OPCML: variants seen among roughly 807,000 people sequenced by gnomAD.
The protein encoded by OPCML is opioid-binding protein/cell adhesion molecule.
Under a neutral mutation model 37.8 loss-of-function variants are expected in OPCML, and 13 were observed. The ratio of observed to expected loss-of-function variants is 0.34; its 90% confidence interval spans 0.22 to 0.55. OPCML has a LOEUF of 0.55. Among genes scored for constraint, OPCML ranks in the 20% least tolerant of loss-of-function variants. The pLI, the probability that OPCML is intolerant of heterozygous loss-of-function variation, is 0.91. For synonymous variants in OPCML, 176 were observed against 168.8 expected (o/e 1.04, Z -0.33); for missense variants, 341 against 435.6 (o/e 0.78, Z 1.93).
At chr11:133,495,817 T>A (rs909670553) in intron 1 of OPCML, among the ~76,000 whole-genome samples, 1 of 152,202 alleles carries the variant, frequency 6.6e-6, no homozygotes, top group Non-Finnish European at 1.5e-5. Context: ...GTAAGATGTA[T>A]AGATTGTGAA....
At chr11:133,397,906 G>A (rs1276422289) in intron 1 of OPCML, among the ~76,000 whole-genome samples, 1 of 152,188 alleles carries the variant, frequency 6.6e-6, no homozygotes, top group Non-Finnish European at 1.5e-5. Context: ...TCCTGATTTG[G>A]TGAAGGCATT....
rs139306840 is a variant in OPCML at position 133,220,924 on chromosome 11, C to T, written c.62-277914G>A. On this transcript the variant is annotated intron_variant, in intron 1 of 7. Coordinates refer to ENST00000524381, the MANE Select transcript of OPCML (RefSeq NM_001012393.5). ...AGATCCCCAGGCCTCAGTGGTGCGT[C>T]ACTGACTCGAAATTGGACGGAACTA... Among the ~76,000 whole-genome samples, 198 of 152,318 alleles carry T rather than the reference C, an allele frequency of 1.3e-3. 1 individual carries two copies. The highest frequency in any genetic ancestry group is 4.4e-3 in the African/African-American group (183 of 41,568).
chr11:133,241,907 G>A lies in OPCML; in HGVS notation c.61+290357C>T, dbSNP rs186578183. Among the ~76,000 whole-genome samples, 199 of 152,206 alleles carry A rather than the reference G, an allele frequency of 1.3e-3. 1 individual carries two copies. The highest frequency in any genetic ancestry group is 3.4e-3 in the Middle Eastern group (1 of 294). ...CCCTTCAAATCCTGCCTATCCTACC[G>A]GGCTAGCTTGAGGCCCACCTTCAGA... On this transcript the variant is annotated intron_variant, in intron 1 of 7. Coordinates refer to ENST00000524381, the MANE Select transcript of OPCML (RefSeq NM_001012393.5).
In OPCML at chr11:132,949,160, G is replaced by A. The variant is rs111496896; in HGVS notation, c.62-6150C>T. On this transcript the variant is annotated intron_variant, in intron 1 of 7. Transcript: ENST00000524381. ...TGACAGGTAGTATCTGCAACCTGGA[G>A]AAGATAGAATGCCCCAGAGAAGCTA... Among the ~76,000 whole-genome samples the A allele has an allele frequency of 6.0e-3, 913 of 152,330 alleles. 9 individuals are homozygous for A. The highest frequency in any genetic ancestry group is 0.021 in the African/African-American group (877 of 41,566).
At chr11:133,527,020 A>T (rs1324349906) in intron 1 of OPCML, among the ~76,000 whole-genome samples, 2 of 152,196 alleles carry the variant, frequency 1.3e-5, no homozygotes, top group East Asian at 3.9e-4. Context: ...CAGGAATCAC[A>T]GTTTGCTTCC....
chr11:133,523,638 C>A (rs1948435249), intron 1 of OPCML, among the ~76,000 whole-genome samples: 7 of 152,096 alleles, frequency 4.6e-5, no homozygotes, highest in Admixed American at 4.6e-4. Flanking sequence ...GGATAAAGAC[C>A]AAAATGATTC....
chr11:132,552,763 C>CTTTTTTTTTTTT lies in OPCML; in HGVS notation c.380-23589_380-23578dup, dbSNP rs562056846. On this transcript the variant is annotated intron_variant, in intron 3 of 7. Transcript: ENST00000524381. The stretch of plus-strand genomic sequence containing the variant: ...TAGTCAAACTAAATTAAACACTACT[C>CTTTTTTTTTTTT]TTTTTTTTTTTTTTTTGAGACCGAG... 4.3e-3 allele frequency among the ~76,000 whole-genome samples: 399 copies of CTTTTTTTTTTTT among 92,738 alleles called. 105 individuals carry two copies. Among genetic ancestry groups the CTTTTTTTTTTTT allele is most frequent in the African/African-American group, 0.021 (371 of 17,808 alleles). 60.8% of individuals were successfully genotyped at this position (92,738 alleles called of 152,430 possible).
intron 1 of OPCML, among the ~76,000 whole-genome samples, chr11:133,471,827 C>G (rs77530332): frequency 0.034 from 5,249 of 152,168 alleles, 216 homozygotes; most frequent in African/African-American, 0.089. Context: ...TCATTGAAGA[C>G]AGAGGGAGTA....
intron 1 of OPCML, among the ~76,000 whole-genome samples, chr11:133,415,319 A>C (rs1445728103): frequency 7.5e-6 from 1 of 134,000 alleles, no homozygotes; most frequent in Non-Finnish European, 1.5e-5. Context: ...CTGAGGCAGG[A>C]GAATGGCATG....
rs2096032037 is a variant in OPCML, at chr11:132,441,165, G to GTTTTTTTTTTTTTTTTTTGTT, written c.506-3807_506-3806insAACAAAAAAAAAAAAAAAAAA. On this transcript the variant is annotated intron_variant, in intron 4 of 7. Coordinates refer to ENST00000524381, the MANE Select transcript of OPCML (RefSeq NM_001012393.5). ...AGATGTGTTCACCAAGGACTTTTTT[G>GTTTTTTTTTTTTTTTTTTGTT]TTTTTTTTTTTTTTTTTTTTGAGAC... 2.8e-5 allele frequency among the ~76,000 whole-genome samples: 2 copies of GTTTTTTTTTTTTTTTTTTGTT among 72,402 alleles called. 1 individual carries two copies. Among genetic ancestry groups the GTTTTTTTTTTTTTTTTTTGTT allele is most frequent in the Non-Finnish European group, 4.5e-5 (2 of 44,028 alleles). 47.5% of individuals were successfully genotyped at this position (72,402 alleles called of 152,430 possible).
At chr11:132,605,363 C>T (rs1170760446) in intron 3 of OPCML, among the ~76,000 whole-genome samples, 3 of 151,716 alleles carry the variant, frequency 2.0e-5, no homozygotes. Flanking sequence ...CGAGATCATC[C>T]TGACCAACAT....
intron 1 of OPCML, among the ~76,000 whole-genome samples, chr11:133,338,187 C>T (rs1369283534): frequency 1.3e-5 from 2 of 152,146 alleles, no homozygotes; most frequent in Admixed American, 6.5e-5. Context: ...TCAATGACAG[C>T]CTGTGAGTGC....
intron 1 of OPCML, among the ~76,000 whole-genome samples, chr11:132,959,676 G>T (rs1270103907): frequency 8.0e-6 from 1 of 124,426 alleles, no homozygotes; most frequent in East Asian, 2.4e-4. Context: ...CATTGACTTC[G>T]GGAAAATATC....
intron 3 of OPCML, among the ~76,000 whole-genome samples, chr11:132,611,353 T>C (rs1399521102): frequency 2.0e-5 from 3 of 152,152 alleles, no homozygotes; most frequent in Non-Finnish European, 4.4e-5. Flanking sequence ...CCCAATCCAC[T>C]GCCGTTCAGT....
intron 3 of OPCML, among the ~76,000 whole-genome samples, chr11:132,574,612 G>T (rs2137588101): frequency 6.6e-6 from 1 of 151,766 alleles, no homozygotes; most frequent in East Asian, 1.9e-4. Flanking sequence ...ATCTGTTTGT[G>T]GTCTGAAAAT....
chr11:133,376,867 T>C (rs1439482062), intron 1 of OPCML, among the ~76,000 whole-genome samples: 1 of 152,204 alleles, frequency 6.6e-6, no homozygotes, highest in East Asian at 1.9e-4. Context: ...TGAAGGAGAA[T>C]ATAGGACATG....
chr11:133,532,122 GCCTA>G, intron 1 of OPCML, 138 bp downstream of exon 1: 1 of 1,366,096 alleles, frequency 7.3e-7, no homozygotes, highest in East Asian at 2.5e-5. Context: ...CACACAGCAA[GCCTA>G]CCTCTTTCAC....
intron 2 of OPCML, among the ~76,000 whole-genome samples, chr11:132,828,164 A>G (rs1401954735): frequency 6.6e-6 from 1 of 152,210 alleles, no homozygotes; most frequent in African/African-American, 2.4e-5. Flanking sequence ...TATACTATAT[A>G]GTCCCAACTG....
chr11:133,467,573 G>A (rs1947004753), intron 1 of OPCML, among the ~76,000 whole-genome samples: 1 of 152,130 alleles, frequency 6.6e-6, no homozygotes. Flanking sequence ...AAAGAAGGAT[G>A]GCCAGAGAGG....
Sources: allele counts gnomAD v4.1 joint callset (sites outside exome capture counted in the v4.1 genomes callset), GRCh38; gene constraint gnomAD v4.1.1; transcripts MANE v1.5; gene names NCBI Gene and HGNC (gene_info 2026-07-23, HGNC 2026-07-21).